Variants in GFM2 observed in about 807,000 individuals in gnomAD.
The protein encoded by GFM2 is GTP dependent ribosome recycling factor mitochondrial 2.
GFM2 carries 72 observed loss-of-function variants against 95.4 expected under a neutral mutation model. The ratio of observed to expected loss-of-function variants is 0.76; its 90% CI spans 0.62 to 0.92. The LOEUF (loss-of-function observed/expected upper bound fraction) is 0.92. Ranked by LOEUF, GFM2 falls within the 40% of genes least tolerant of loss-of-function variation. The probability of loss-of-function intolerance (pLI) is 0.00; values close to 1 mark genes in which losing one functional copy is unlikely to be tolerated. For synonymous variants in GFM2, 276 were observed against 317.5 expected (o/e 0.87, Z 1.39); for missense variants, 825 against 924.1 (o/e 0.89, Z 1.39).
chr5:74,759,314 C>A, intron 4 of GFM2, 55 bp downstream of exon 4: 1 of 1,016,408 alleles, frequency 9.8e-7, no homozygotes. Flanking sequence ...TCAGAAAAAA[C>A]CTGTAAATTT....
chr5:74,762,013 T>C (rs1265011634), intron 2 of GFM2, among the ~76,000 whole-genome samples: 1 of 152,206 alleles, frequency 6.6e-6, no homozygotes, highest in Non-Finnish European at 1.5e-5. Flanking sequence ...TATCACAGCG[T>C]GCATAGTCTG....
intron 11 of GFM2, 78 bp downstream of exon 11, chr5:74,741,451 A>G: frequency 1.5e-6 from 1 of 684,980 alleles, no homozygotes; most frequent in Non-Finnish European, 2.5e-6. Context: ...AAAAAAATGC[A>G]CACACATCAA....
At chr5:74,729,678 CT>C (rs35280586) in intron 17 of GFM2, among the ~76,000 whole-genome samples, 1,506 of 134,728 alleles carry the variant, frequency 0.011, 9 homozygotes, top group African/African-American at 0.017. Flanking sequence ...TCCTAAACGT[CT>C]TTTTTTTTTT....
chr5:74,765,272 G>T, intron 1 of GFM2: 1 of 246,614 alleles, frequency 4.1e-6, no homozygotes, highest in Non-Finnish European at 7.1e-6. Context: ...AGAATTTACT[G>T]TGTGTCTGCC....
At position 74,736,980 on chromosome 5, in the gene GFM2, G is replaced by A. The variant is rs2112257454; in HGVS notation, c.1326C>T (p.Ala442=). Reference sequence around the variant, plus strand: ...TGGATGAGACAATGGTGTCTCCAGTGGCAGTCTGCAAGCAAACAAGATGAC... The same window carrying A: ...TGGATGAGACAATGGTGTCTCCAGTAGCAGTCTGCAAGCAAACAAGATGAC... ...IALTVGLKHT[A]TGDTIVSSKS... Residue 442 remains alanine, a synonymous_variant, in exon 15 of 21, where the codon GCC becomes GCT. Transcript: ENST00000296805. 1.2e-6 allele frequency: 2 copies of A among 1,613,042 alleles called. No individual in the cohort carries two copies. The highest frequency in any genetic ancestry group is 1.7e-4 in the Middle Eastern group (1 of 5,754).
intron 5 of GFM2, among the ~76,000 whole-genome samples, chr5:74,752,166 CTACAGTA>C (rs1743750747): frequency 6.6e-6 from 1 of 152,116 alleles, no homozygotes. Context: ...CATACAACTT[CTACAGTA>C]TAAAGTCACA....
chr5:74,752,257 G>A (rs1300115468), intron 5 of GFM2, among the ~76,000 whole-genome samples: 1 of 152,100 alleles, frequency 6.6e-6, no homozygotes, highest in East Asian at 1.9e-4. Flanking sequence ...GTTGAATTAA[G>A]CATATTATTC....
chr5:74,726,753 G>A (rs1750166597), intron 17 of GFM2, among the ~76,000 whole-genome samples: 1 of 152,106 alleles, frequency 6.6e-6, no homozygotes, highest in African/African-American at 2.4e-5. Context: ...ATATTTATGT[G>A]AGGGACCATG....
chr5:74,757,731 T>TAAAAAAA (rs35313753), intron 5 of GFM2, among the ~76,000 whole-genome samples: 7 of 89,162 alleles, frequency 7.9e-5, no homozygotes, highest in Non-Finnish European at 1.1e-4. Context: ...CCTATGTCTC[T>TAAAAAAA]AAAAAAAAAA....
chr5:74,721,586 A>G lies in GFM2; in HGVS notation c.*69T>C. ...CTTTATTCGTCCAATAAATAAAGCA[A>G]TAAAAATTGTTCTTACTGAAAATGA... On this transcript the variant is annotated 3_prime_UTR_variant, in exon 21 of 21. Transcript: ENST00000296805. The G allele has an allele frequency of 2.0e-6, 3 of 1,466,862 alleles. No individual in the cohort carries two copies. Among genetic ancestry groups the G allele is most frequent in the Admixed American group, 3.8e-5 (2 of 52,556 alleles). 90.9% of individuals were successfully genotyped at this position (1,466,862 alleles called of 1,614,324 possible).
chr5:74,755,302 T>C (rs111257710), intron 5 of GFM2, among the ~76,000 whole-genome samples: 3,645 of 152,150 alleles, frequency 0.024, 145 homozygotes, highest in African/African-American at 0.084. Context: ...TCTCATATCA[T>C]AGTGGAATAA....
intron 16 of GFM2, among the ~76,000 whole-genome samples, chr5:74,731,280 A>G (rs1031767499): frequency 1.3e-5 from 2 of 152,226 alleles, no homozygotes; most frequent in African/African-American, 4.8e-5. Context: ...CAAAACCTTC[A>G]GACTAGCTTG....
At chr5:74,765,122 T>C in intron 1 of GFM2, 1 of 1,243,328 alleles carries the variant, frequency 8.0e-7, no homozygotes, top group South Asian at 1.4e-5. Context: ...ACGCCAAAGT[T>C]CAGGGCCTCA....
chr5:74,728,770 T>TTTTTTTTTTA (rs756604027), intron 17 of GFM2, among the ~76,000 whole-genome samples: 2 of 113,840 alleles, frequency 1.8e-5, no homozygotes, highest in African/African-American at 8.2e-5. Context: ...TTTTTTTTTT[T>TTTTTTTTTTA]TTTTGAGATG....
intron 16 of GFM2, 85 bp downstream of exon 16, chr5:74,732,925 TAGACACACACAC>T (rs1297903695): frequency 3.7e-6 from 2 of 546,466 alleles, no homozygotes; most frequent in African/African-American, 5.0e-5. Context: ...CTTAATGTTT[TAGACACACACAC>T]ACACACACAC....
intron 1 of GFM2, 126 bp from the exon 2 acceptor site, chr5:74,763,892 A>G (rs936553707): frequency 1.2e-5 from 6 of 518,580 alleles, no homozygotes; most frequent in African/African-American, 1.1e-4. Flanking sequence ...TTGGAACAAT[A>G]TTTTTAGCTA....
chr5:74,765,631 A>C (rs1744537502), intron 1 of GFM2, among the ~76,000 whole-genome samples: 1 of 152,162 alleles, frequency 6.6e-6, no homozygotes, highest in Non-Finnish European at 1.5e-5. Flanking sequence ...TACCTAAAAT[A>C]TACAAATGCT....
intron 5 of GFM2, among the ~76,000 whole-genome samples, chr5:74,756,134 A>G (rs988802156): frequency 3.0e-4 from 45 of 152,340 alleles, no homozygotes; most frequent in African/African-American, 1.1e-3. Context: ...ATAGACTCAG[A>G]AAAAGCATTT....
At chr5:74,751,259 T>C in intron 6 of GFM2, 109 bp downstream of exon 6, 1 of 1,060,218 alleles carries the variant, frequency 9.4e-7, no homozygotes, top group Admixed American at 2.3e-5. Flanking sequence ...GATGGTAAAT[T>C]TTGCAACACA....
Sources: gnomAD v4.1 joint callset for allele counts (sites outside exome capture counted in the v4.1 genomes callset) on GRCh38, gnomAD v4.1.1 for gene constraint, MANE v1.5 for transcripts, NCBI Gene and HGNC (gene_info 2026-07-23, HGNC 2026-07-21) for gene names.